The following USP51 variants were observed in gnomAD, a reference collection of about 807,000 sequenced individuals.
USP51 encodes the protein ubiquitin carboxyl-terminal hydrolase 51.
In USP51, 5 loss-of-function variants were observed where a neutral mutation model predicts 17.6. The ratio of observed to expected loss-of-function variants is 0.28; its 90% CI spans 0.15 to 0.60. The LOEUF (loss-of-function observed/expected upper bound fraction) is 0.60. Among genes scored for constraint, USP51 ranks in the 20% least tolerant of loss-of-function variants. The probability of loss-of-function intolerance (pLI) is 0.88; values close to 1 mark genes in which losing one functional copy is unlikely to be tolerated. For missense variants in USP51, 459 were observed against 559.5 expected, an observed-to-expected ratio of 0.82 and a Z score of 1.81; for synonymous variants, 248 against 216.1, an observed-to-expected ratio of 1.15 and a Z score of -1.29.
rs757092973 is a variant in USP51, at chrX:55,487,346, T to C, written c.1594A>G (p.Arg532Gly). 1 of 1,211,559 alleles carries C rather than the reference T, an allele frequency of 8.3e-7. No homozygotes were observed. The highest frequency in any genetic ancestry group is 1.8e-5 in the South Asian group (1 of 56,905). Residue 532 changes from arginine to glycine, a missense_variant, in exon 3 of 3, where the codon AGG becomes GGG. Arg to Gly is a moderately radical substitution (Grantham distance 125, BLOSUM62 -2). Coordinates refer to ENST00000500968, the MANE Select transcript of USP51 (RefSeq NM_201286.4). ...CATFDSQNPE[R>G]ADSTVSRDDH... ...TCCCTGCTCACTGTGCTGTCAGCCC[T>C]CTCTGGGTTCTGGGAATCGAATGTG... is the stretch of plus-strand genomic sequence containing the variant.
intron 2 of USP51, 54 bp from the exon 3 acceptor site, chrX:55,489,042 C>A: frequency 9.4e-7 from 1 of 1,068,211 alleles, no homozygotes; most frequent in South Asian, 2.3e-5. Context: ...AGCGTCATGG[C>A]CGCGGTGCGC....
Position 55,488,609 on chromosome X carries a change from G to C in USP51, c.331C>G (p.Arg111Gly), listed in dbSNP as rs1323101459. 8.9e-7 allele frequency: 1 copy of C among 1,128,347 alleles called. No individual in the cohort carries two copies. The highest frequency in any genetic ancestry group is 1.2e-6 in the Non-Finnish European group (1 of 857,584). 93.0% of individuals were successfully genotyped at this position (1,128,347 alleles called of 1,213,427 possible). The change falls in exon 3 of 3, where the codon CGG becomes GGG. Residue 111 changes from arginine to glycine, a missense_variant. Transcript: ENST00000500968. ...RRKPRPRPQPRARSRSQPGLS... is the reference protein window; with the variant it reads ...RRKPRPRPQPGARSRSQPGLS... ...CCAGGCTGGCTGCGGGAGCGGGCCC[G>C]GGGCTGGGGCCGAGGGCGGGGCTTG...
intron 2 of USP51, 22 bp from the exon 3 acceptor site, chrX:55,489,010 G>T: frequency 8.8e-7 from 1 of 1,138,943 alleles, no homozygotes; most frequent in Non-Finnish European, 1.2e-6. Flanking sequence ...AGGAGACAGA[G>T]ACTTCTGTGA....
At position 55,487,732 on chromosome X, in the gene USP51, G is replaced by A. The variant is rs1238669655; in HGVS notation, c.1208C>T (p.Pro403Leu). ...CATTTCACAGACCAGACACAAGCTGGGGCTTGTCATTATACATTTGTGCTT... is the reference window on the plus strand; with the variant it reads ...CATTTCACAGACCAGACACAAGCTGAGGCTTGTCATTATACATTTGTGCTT... ...SDKHKCIMTS[P>L]SLCLVCEMSS... The change falls in exon 3 of 3, where the codon CCC becomes CTC. Residue 403 changes from proline to leucine, a missense_variant. This residue lies in a region of USP51 where 227 missense variants were observed against 365.5 expected (regional missense o/e 0.62). Coordinates refer to ENST00000500968, the MANE Select transcript of USP51 (RefSeq NM_201286.4). 8.3e-7 allele frequency: 1 copy of A among 1,212,058 alleles called. No individual in the cohort carries two copies. Among genetic ancestry groups the A allele is most frequent in the Non-Finnish European group, 1.1e-6 (1 of 895,575 alleles).
In USP51 at chrX:55,487,581, G is replaced by A; in HGVS notation, c.1359C>T (p.Phe453=). 1 of 1,211,930 alleles carries A rather than the reference G, an allele frequency of 8.3e-7. No homozygotes were observed. The highest frequency in any genetic ancestry group is 1.1e-6 in the Non-Finnish European group (1 of 895,597). ...GTAGCACGTCTAATATTGCAATAAG[G>A]AACTCATGGGCATCCTGCTGCCTGT... ...AGYRQQDAHE[F]LIAILDVLHR... The change falls in exon 3 of 3, where the codon TTC becomes TTT. Residue 453 remains phenylalanine (F), a synonymous_variant. Transcript: ENST00000500968.
In USP51 at chrX:55,487,799, G is replaced by T. The variant is rs1182535271; in HGVS notation, c.1141C>A (p.Leu381Ile). 2 of 1,211,273 alleles carry T rather than the reference G, an allele frequency of 1.7e-6. No individual in the cohort carries two copies. The highest frequency in any genetic ancestry group is 2.2e-6 in the Non-Finnish European group (2 of 895,206). ...TCFMNCIVQA[L>I]THIPLLKDFF... is the part of the protein sequence containing the mutation. ...TCTTTCAGTAGAGGAATATGGGTAA[G>T]TGCCTGGACAATACAATTCATAAAA... The change falls in exon 3 of 3, where the codon CTT becomes ATT. Residue 381 changes from leucine (L) to isoleucine (I), a missense_variant. Leu to Ile is a conservative substitution (Grantham distance 5). Coordinates refer to ENST00000500968, the MANE Select transcript of USP51 (RefSeq NM_201286.4).
rs771943822 is a variant in USP51 at position 55,487,466 on chromosome X, G to A, written c.1474C>T (p.Leu492=). 37 of 1,210,281 alleles carry A rather than the reference G, an allele frequency of 3.1e-5. No homozygotes were observed. The Admixed American group carries it at 5.7e-4, about 19-fold the overall frequency. Residue 492 remains leucine (L), a synonymous_variant, in exon 3 of 3, where the codon CTG becomes TTG. Coordinates refer to ENST00000500968, the MANE Select transcript of USP51 (RefSeq NM_201286.4). The stretch of plus-strand genomic sequence containing the variant: ...GCTTGACATGTGACATCTGATTGCA[G>A]GCCACCTGTAAAGATTTGGTCTATG... The part of the protein sequence containing the change: ...CIIDQIFTGG[L]QSDVTCQACH...
Position 55,488,575 on chromosome X carries a change from G to T in USP51, c.365C>A (p.Ala122Asp), listed in dbSNP as rs2031365513. 1 of 1,053,090 alleles carries T rather than the reference G, an allele frequency of 9.5e-7. No individual in the cohort carries two copies. Among genetic ancestry groups the T allele is most frequent in the Admixed American group, 4.3e-5 (1 of 23,018 alleles). 86.8% of individuals were successfully genotyped at this position (1,053,090 alleles called of 1,213,427 possible). The change falls in exon 3 of 3, where the codon GCC becomes GAC. Residue 122 changes from alanine (A) to aspartate (D), a missense_variant. Around this residue, in one of 2 missense-constraint regions of USP51, gnomAD observed 232 missense variants for 194.0 expected, o/e 1.20. Transcript: ENST00000500968. Reference sequence around the variant, plus strand: ...GGGCCGGGCTGGAGGCGGGGGTGGGGCCGAGAGCCCAGGCTGGCTGCGGGA... The same window carrying T: ...GGGCCGGGCTGGAGGCGGGGGTGGGTCCGAGAGCCCAGGCTGGCTGCGGGA... ...ARSRSQPGLS[A>D]PPPPPARPPP...
chrX:55,488,457 C>T lies in USP51; in HGVS notation c.483G>A (p.Gln161=), dbSNP rs1403830380. 2.5e-6 allele frequency: 3 copies of T among 1,210,390 alleles called. No individual in the cohort carries two copies. In the Admixed American group the frequency reaches 6.5e-5, roughly 26 times the overall value. Residue 161 remains glutamine (Q), a synonymous_variant, in exon 3 of 3, where the codon CAG becomes CAA. Coordinates refer to ENST00000500968, the MANE Select transcript of USP51 (RefSeq NM_201286.4). ...GGTCACCAGAGCAGCTTCTCCGTGT[C>T]TGAGGCCTGGACCCAGGCCGGGATC... ...RRRSRPGSRP[Q]TRRSCSGDLD...
chrX:55,488,721 C>A lies in USP51; in HGVS notation c.219G>T (p.Thr73=), dbSNP rs747005031. 1.7e-6 allele frequency: 2 copies of A among 1,204,489 alleles called. No individual in the cohort carries two copies. The highest frequency in any genetic ancestry group is 3.5e-5 in the South Asian group (2 of 56,966). ...TCTCGTCGCCGCCGCTGCTGCTCCACGTCAAGTTCTCCTCCGGCGCGGGCT... is the reference window on the plus strand; with the variant it reads ...TCTCGTCGCCGCCGCTGCTGCTCCAAGTCAAGTTCTCCTCCGGCGCGGGCT... ...EREPAPEENL[T]WSSSGGDEKV... is the part of the protein sequence containing the mutation. The change falls in exon 3 of 3, where the codon ACG becomes ACT. Residue 73 remains threonine, a synonymous_variant. Coordinates refer to ENST00000500968, the MANE Select transcript of USP51 (RefSeq NM_201286.4).
rs1011052445 is a variant in USP51, at chrX:55,487,942, T to C, written c.998A>G (p.Gln333Arg). ...CTGTTCCTTTGTCTCACAGGTTGAT[T>C]GCTTGTCTTCAAACCCTGATGTCAT... ...QFMTSGFEDK[Q>R]STCETKEQEP... Residue 333 changes from glutamine (Q) to arginine (R), a missense_variant, in exon 3 of 3, where the codon CAA becomes CGA. Coordinates refer to ENST00000500968, the MANE Select transcript of USP51 (RefSeq NM_201286.4). 3.2e-5 allele frequency: 38 copies of C among 1,189,956 alleles called. No individual in the cohort carries two copies. Among genetic ancestry groups the C allele is most frequent in the Non-Finnish European group, 4.3e-5 (38 of 886,918 alleles).
rs2031374306 is a variant in USP51, at chrX:55,488,789, G to T, written c.151C>A (p.Arg51Ser). 1 of 1,208,947 alleles carries T rather than the reference G, an allele frequency of 8.3e-7. No individual in the cohort carries two copies. Among genetic ancestry groups the T allele is most frequent in the Non-Finnish European group, 1.1e-6 (1 of 895,164 alleles). Residue 51 changes from arginine (R) to serine (S), a missense_variant, in exon 3 of 3, where the codon CGT becomes AGT. Arg to Ser is a moderately radical substitution (Grantham distance 110). This residue lies in a region of USP51 where 232 missense variants were observed against 194.0 expected (regional missense o/e 1.20). Coordinates refer to ENST00000500968, the MANE Select transcript of USP51 (RefSeq NM_201286.4). ...AAGATKASSR[R>S]EAEEMKLEPL... ...TCCAGCTTCATCTCCTCGGCTTCAC[G>T]TCTCGAAGACGCCTTCGTAGCCCCC...
Position 55,489,264 on chromosome X carries a change from G to A in USP51, c.-145C>T, listed in dbSNP as rs1200961896. 4.3e-6 allele frequency: 1 copy of A among 232,890 alleles called. No homozygotes were observed. Among genetic ancestry groups the A allele is most frequent in the African/African-American group, 2.8e-5 (1 of 35,159 alleles). The allele number at this position is 232,890 out of a possible 1,213,427, so 19.2% of individuals were successfully genotyped here. On this transcript the variant is annotated 5_prime_UTR_variant, in exon 2 of 3. Coordinates refer to ENST00000500968, the MANE Select transcript of USP51 (RefSeq NM_201286.4). ...ACGGCCTGAGCTTTAGGACAGAAAGGATGGAAACTTCTTTAAAAAAGGCGC... is the reference window on the plus strand; with the variant it reads ...ACGGCCTGAGCTTTAGGACAGAAAGAATGGAAACTTCTTTAAAAAAGGCGC...
rs1288643155 is a variant in USP51 at position 55,484,859 on chromosome X, C to A, written c.*1945G>T. ...CATTCAGGGAAGACTCCAGAGAAGTCATCTGTGAGTTGGGTCTTGAAGGAG... is the reference window on the plus strand; with the variant it reads ...CATTCAGGGAAGACTCCAGAGAAGTAATCTGTGAGTTGGGTCTTGAAGGAG... On this transcript the variant is annotated 3_prime_UTR_variant, in exon 3 of 3. Transcript: ENST00000500968. 1 of 111,610 alleles carries A rather than the reference C, an allele frequency of 9.0e-6. No individual in the cohort carries two copies. The highest frequency in any genetic ancestry group is 1.9e-5 in the Non-Finnish European group (1 of 53,171). The allele number at this position is 111,610 out of a possible 1,213,427, so 9.2% of individuals were successfully genotyped here.
rs749449862 is a variant in USP51, at chrX:55,488,398, T to A, written c.542A>T (p.Asp181Val). 1.8e-4 allele frequency: 222 copies of A among 1,209,654 alleles called. No individual in the cohort carries two copies. The highest frequency in any genetic ancestry group is 6.8e-5 in the Non-Finnish European group (61 of 894,847). Residue 181 changes from aspartate to valine, a missense_variant, in exon 3 of 3, where the codon GAC (aspartate) becomes GTC (valine). Asp to Val is a radical substitution (Grantham distance 152). Coordinates refer to ENST00000500968, the MANE Select transcript of USP51 (RefSeq NM_201286.4). Reference sequence around the variant, plus strand: ...ACCAAACTCGACCTCCAGCAACCAGTCCCCTAAGCCGCCAGGATCCCCCGA... The same window carrying A: ...ACCAAACTCGACCTCCAGCAACCAGACCCCTAAGCCGCCAGGATCCCCCGA... ...DGSGDPGGLG[D>V]WLLEVEFGQG...
rs762173724 is a variant in USP51 at position 55,488,699 on chromosome X, C to G, written c.241G>C (p.Glu81Gln). ...AGGGGGATTGAAGGGAGCACCTTCT[C>G]GTCGCCGCCGCTGCTGCTCCACGTC... The part of the protein sequence containing the change: ...NLTWSSSGGD[E>Q]KVLPSIPLRC... The change falls in exon 3 of 3, where the codon GAG (glutamate) becomes CAG (glutamine). Residue 81 changes from glutamate to glutamine, a missense_variant. Transcript: ENST00000500968. The G allele has an allele frequency of 1.7e-6, 2 of 1,200,772 alleles. No homozygotes were observed. The highest frequency in any genetic ancestry group is 1.8e-5 in the South Asian group (1 of 56,676).
chrX:55,488,321 A>G lies in USP51; in HGVS notation c.619T>C (p.Trp207Arg). 8.3e-7 allele frequency: 1 copy of G among 1,211,966 alleles called. No individual in the cohort carries two copies. The highest frequency in any genetic ancestry group is 1.1e-6 in the Non-Finnish European group (1 of 895,499). Residue 207 changes from tryptophan (W) to arginine (R), a missense_variant, in exon 3 of 3, where the codon TGG becomes CGG. By Grantham distance (101) the Trp-to-Arg change is moderately radical. Coordinates refer to ENST00000500968, the MANE Select transcript of USP51 (RefSeq NM_201286.4). ...TAGATCAACCTCAGGTTCTTCTGCC[A>G]GTTCTTACCTACTTTAAAGCTCTCC... is the stretch of plus-strand genomic sequence containing the variant. ...HVESFKVGKN[W>R]QKNLRLIYQR...
In USP51 at chrX:55,487,432, C is replaced by G; in HGVS notation, c.1508G>C (p.Ser503Thr). ...QSDVTCQACH[S>T]VSTTIDPCWD... ...GCATGGGTCTATGGTGGTAGAAACA[C>G]TATGGCAGGCTTGACATGTGACATC... is the stretch of plus-strand genomic sequence containing the variant. Residue 503 changes from serine to threonine, a missense_variant, in exon 3 of 3, where the codon AGT becomes ACT. By Grantham distance (58) the Ser-to-Thr change is moderately conservative. Transcript: ENST00000500968. 1 of 1,211,871 alleles carries G rather than the reference C, an allele frequency of 8.3e-7. No individual in the cohort carries two copies. Among genetic ancestry groups the G allele is most frequent in the Non-Finnish European group, 1.1e-6 (1 of 895,592 alleles).
At position 55,486,766 on chromosome X, in the gene USP51, A is replaced by C; in HGVS notation, c.*38T>G. 1 of 1,155,191 alleles carries C rather than the reference A, an allele frequency of 8.7e-7. No homozygotes were observed. Among genetic ancestry groups the C allele is most frequent in the Non-Finnish European group, 1.2e-6 (1 of 869,129 alleles). On this transcript the variant is annotated 3_prime_UTR_variant, in exon 3 of 3. Coordinates refer to ENST00000500968, the MANE Select transcript of USP51 (RefSeq NM_201286.4). ...GTGTGTCACTTCAAAATCCTTGCCT[A>C]ATCATTTACTTTTTTTTCAGTAAGT...
Sources: gnomAD v4.1 joint callset for allele counts on GRCh38, gnomAD v4.1.1 for gene constraint, gnomAD v4.1.1 regional missense constraint, MANE v1.5 for transcripts, NCBI Gene and HGNC (gene_info 2026-07-23, HGNC 2026-07-21) for gene names.